The following USP9Y variants were observed in gnomAD, a reference collection of about 807,000 sequenced individuals.
The protein encoded by USP9Y is ubiquitin specific peptidase 9 Y-linked.
In USP9Y, 41 loss-of-function variants were observed where a neutral mutation model predicts 53.1. The observed-to-expected ratio is 0.77, with a 90% CI of 0.60 to 1.00. The LOEUF is 1.00. Among genes scored for constraint, USP9Y ranks in the 50% least tolerant of loss-of-function variants. The probability of loss-of-function intolerance (pLI) is 0.00; values close to 1 mark genes in which losing one functional copy is unlikely to be tolerated. For synonymous variants in USP9Y, 220 were observed against 173.7 expected, an observed-to-expected ratio of 1.27 and a Z score of -2.09; for missense variants, 567 against 535.8, an observed-to-expected ratio of 1.06 and a Z score of -0.58.
chrY:12,704,177 G>A, intron 1 of USP9Y, among the ~76,000 whole-genome samples: 1 of 33,281 alleles, frequency 3.0e-5, no homozygotes, highest in Non-Finnish European at 7.4e-5. Flanking sequence ...CTTTTTTTAC[G>A]TTCTGTTTTG....
At chrY:12,772,156 A>G in intron 16 of USP9Y, among the ~76,000 whole-genome samples, 1 of 33,300 alleles carries the variant, frequency 3.0e-5, no homozygotes. Flanking sequence ...CACTTTACTC[A>G]TCATGACAGC....
At chrY:12,744,168 GTTATAGCTGAA>G (rs2053459214) in intron 12 of USP9Y, among the ~76,000 whole-genome samples, 1 of 33,467 alleles carries the variant, frequency 3.0e-5, no homozygotes. Context: ...GGATTGCTGG[GTTATAGCTGAA>G]TTTAACAGCT....
rs369882658 is a variant in USP9Y, at chrY:12,833,772, T to A, written c.5106T>A (p.Ala1702=). ...CTTTGGTGGATAGTTTAGATGAAGC[T>A]TTAAAAGCTTTAGGACACCCGGCTA... is the stretch of plus-strand genomic sequence containing the variant. ...FNSLVDSLDE[A]LKALGHPAIL... is the part of the protein sequence containing the mutation. Residue 1702 remains alanine (A), a synonymous_variant, in exon 34 of 46, where the codon GCT becomes GCA. Coordinates refer to ENST00000338981, the MANE Select transcript of USP9Y (RefSeq NM_004654.4). 32 of 396,014 alleles carry A rather than the reference T, an allele frequency of 8.1e-5. No homozygotes were observed. The African/African-American group carries it at 2.0e-3, about 25-fold the overall frequency.
chrY:12,714,134 G>A (rs2053428421), intron 3 of USP9Y, among the ~76,000 whole-genome samples: 1 of 29,973 alleles, frequency 3.3e-5, no homozygotes, highest in South Asian at 7.9e-4. Context: ...TTCATGATCC[G>A]CCCACCTCAT....
At chrY:12,830,204 GAC>G (rs2053549818) in intron 33 of USP9Y, among the ~76,000 whole-genome samples, 2 of 33,376 alleles carry the variant, frequency 6.0e-5, no homozygotes, top group Admixed American at 5.5e-4. Context: ...TTAAGCTATT[GAC>G]ACACTGAGCT....
chrY:12,709,625 T>A, intron 3 of USP9Y, 82 bp downstream of exon 3: 2 of 243,618 alleles, frequency 8.2e-6, no homozygotes, highest in Non-Finnish European at 1.4e-5. Flanking sequence ...AAAGTAATCA[T>A]AAAATATGTG....
At chrY:12,709,266 T>A in intron 2 of USP9Y, 122 bp from the exon 3 acceptor site, 1 of 144,138 alleles carries the variant, frequency 6.9e-6, no homozygotes, top group East Asian at 1.2e-4. Flanking sequence ...AGTGGTACCT[T>A]TTTTCCTTTT....
At chrY:12,823,904 A>C in intron 33 of USP9Y, among the ~76,000 whole-genome samples, 1 of 32,331 alleles carries the variant, frequency 3.1e-5, no homozygotes. Context: ...ACTTGTGAAG[A>C]AATTTCTAAA....
intron 12 of USP9Y, among the ~76,000 whole-genome samples, chrY:12,742,668 T>C (rs2053457612): frequency 3.0e-5 from 1 of 33,464 alleles, no homozygotes; most frequent in Non-Finnish European, 7.4e-5. Context: ...TGCTGGGCAT[T>C]TAGAACACTT....
chrY:12,735,547 C>T, intron 7 of USP9Y, 65 bp from the exon 8 acceptor site: 2 of 205,246 alleles, frequency 9.7e-6, no homozygotes, highest in Non-Finnish European at 1.7e-5. Flanking sequence ...CACACAAATG[C>T]GTTTCAAATA....
chrY:12,830,925 C>A, intron 33 of USP9Y, among the ~76,000 whole-genome samples: 1 of 33,865 alleles, frequency 3.0e-5, no homozygotes, highest in East Asian at 7.7e-4. Flanking sequence ...CATTTCTATA[C>A]AATAACAGTA....
At chrY:12,748,921 C>T (rs962372271) in intron 12 of USP9Y, among the ~76,000 whole-genome samples, 1 of 33,791 alleles carries the variant, frequency 3.0e-5, no homozygotes, top group Non-Finnish European at 7.3e-5. Context: ...TTCACTAAAG[C>T]TTTTCTCATC....
chrY:12,786,781 G>T lies in USP9Y; in HGVS notation c.3542G>T (p.Gly1181Val). Residue 1181 changes from glycine to valine, a missense_variant, in exon 24 of 46, where the codon GGT (glycine) becomes GTT (valine). Coordinates refer to ENST00000338981, the MANE Select transcript of USP9Y (RefSeq NM_004654.4). ...VAEACQPVVDGTDPITQINQV... is the reference protein window; with the variant it reads ...VAEACQPVVDVTDPITQINQV... The stretch of plus-strand genomic sequence containing the variant: ...GAAGCTTGTCAGCCAGTTGTAGATG[G>T]TACAGACCCCATAACACAGGTAATA... 2.5e-6 allele frequency: 1 copy of T among 397,906 alleles called. No homozygotes were observed. Among genetic ancestry groups the T allele is most frequent in the Non-Finnish European group, 3.5e-6 (1 of 283,068 alleles).
chrY:12,792,976 T>C, intron 26 of USP9Y, 56 bp from the exon 27 acceptor site: 1 of 369,776 alleles, frequency 2.7e-6, no homozygotes, highest in South Asian at 3.0e-5. Flanking sequence ...AGAGGGTTTG[T>C]GAATTTCTTC....
In USP9Y at chrY:12,758,488, A is replaced by AT; in HGVS notation, c.1630-11dup. 1 of 374,012 alleles carries AT rather than the reference A, an allele frequency of 2.7e-6. No individual in the cohort carries two copies. Among genetic ancestry groups the AT allele is most frequent in the African/African-American group, 6.3e-5 (1 of 15,769 alleles). The allele number at this position is 374,012 out of a possible 400,897, so 93.3% of individuals were successfully genotyped here. A position where few individuals can be genotyped will look rare whatever the true frequency, so the allele number is the denominator to read the frequency against. ...GAGTATTGATCCACTTACAGTATAA[A>AT]TTTTTTTCATGTATAAGGATCGAGA... is the stretch of plus-strand genomic sequence containing the variant. On this transcript the variant is annotated splice_polypyrimidine_tract_variant and intron_variant, in intron 13 of 45. Coordinates refer to ENST00000338981, the MANE Select transcript of USP9Y (RefSeq NM_004654.4).
intron 39 of USP9Y, among the ~76,000 whole-genome samples, chrY:12,845,100 T>C: frequency 9.0e-5 from 3 of 33,466 alleles, no homozygotes; most frequent in African/African-American, 3.5e-4. Flanking sequence ...TTTTGTAAAG[T>C]GTTCTGGACA....
At chrY:12,762,316 TG>T in intron 15 of USP9Y, among the ~76,000 whole-genome samples, 1 of 33,156 alleles carries the variant, frequency 3.0e-5, no homozygotes, top group East Asian at 8.0e-4. Context: ...TCATTTTGGG[TG>T]GTTTTGTCTG....
chrY:12,855,117 A>G (rs537042396), intron 42 of USP9Y, among the ~76,000 whole-genome samples: 40 of 34,259 alleles, frequency 1.2e-3, no homozygotes. Flanking sequence ...AAGCTAACAA[A>G]AAAAACCTAA....
chrY:12,810,535 C>A, intron 28 of USP9Y, 137 bp from the exon 29 acceptor site: 1 of 190,638 alleles, frequency 5.2e-6, no homozygotes, highest in Non-Finnish European at 9.0e-6. Flanking sequence ...GTATATAGTA[C>A]GTCTGTAGGA....
Sources: gnomAD v4.1 joint callset for allele counts (sites outside exome capture counted in the v4.1 genomes callset) on GRCh38, gnomAD v4.1.1 for gene constraint, MANE v1.5 for transcripts, NCBI Gene and HGNC (gene_info 2026-07-23, HGNC 2026-07-21) for gene names.